Variants in SH3KBP1 observed in about 807,000 individuals in gnomAD.
SH3KBP1 encodes the protein SH3 domain containing kinase binding protein 1.
A neutral mutation model predicts 50.1 loss-of-function variants in SH3KBP1; 8 were observed. That is an observed-to-expected ratio of 0.16 (90% CI 0.09 to 0.29). The LOEUF is 0.29. Ranked by LOEUF, SH3KBP1 falls within the 10% of genes least tolerant of loss-of-function variation. The pLI, the probability that SH3KBP1 is intolerant of heterozygous loss-of-function variation, is 1.00. For missense variants in SH3KBP1, 377 were observed against 535.2 expected (o/e 0.70, Z 2.92); for synonymous variants, 227 against 218.6 (o/e 1.04, Z -0.34).
intron 8 of SH3KBP1, among the ~76,000 whole-genome samples, chrX:19,625,604 A>G (rs2067993624): frequency 8.9e-6 from 1 of 112,099 alleles, no homozygotes; most frequent in Non-Finnish European, 1.9e-5. Flanking sequence ...TGACCCTAAC[A>G]GATCGGAAAC....
chrX:19,822,956 C>T (rs780838301), intron 2 of SH3KBP1, among the ~76,000 whole-genome samples: 6 of 112,312 alleles, frequency 5.3e-5, no homozygotes, highest in African/African-American at 1.9e-4. Context: ...GTTTCTATTG[C>T]TAAACTTTTT....
chrX:19,762,696 T>A (rs773579793), intron 2 of SH3KBP1, among the ~76,000 whole-genome samples: 5 of 112,146 alleles, frequency 4.5e-5, no homozygotes, highest in Middle Eastern at 4.2e-3. Flanking sequence ...GCAATTCCCC[T>A]GTCTTGATAA....
Position 19,872,831 on chromosome X carries a change from TCTCACACA to T in SH3KBP1, c.4+14468_4+14475del, listed in dbSNP as rs1417817140. Among the ~76,000 whole-genome samples the T allele has an allele frequency of 1.9e-3, 195 of 101,787 alleles. 1 individual carries two copies. The highest frequency in any genetic ancestry group is 7.6e-3 in the African/African-American group (189 of 24,716). 88.4% of individuals were successfully genotyped at this position (101,787 alleles called of 115,157 possible). On this transcript the variant is annotated intron_variant, in intron 1 of 17. Coordinates refer to ENST00000397821, the MANE Select transcript of SH3KBP1 (RefSeq NM_031892.3). ...TCTCTCTTCTCTCTCTCTCTCTCTC[TCTCACACA>T]CACACACACACACACACACACACAC...
chrX:19,653,940 T>C (rs748333789), intron 6 of SH3KBP1, among the ~76,000 whole-genome samples: 11 of 110,714 alleles, frequency 9.9e-5, no homozygotes, highest in Admixed American at 9.7e-5. Flanking sequence ...TCAAGACTAA[T>C]GGGAAACTTT....
chrX:19,879,170 G>C (rs2069357505), intron 1 of SH3KBP1, among the ~76,000 whole-genome samples: 1 of 112,385 alleles, frequency 8.9e-6, no homozygotes, highest in South Asian at 3.6e-4. Context: ...GCTTGAGCCT[G>C]GGAGGTCGAG....
At chrX:19,583,927 C>CATTTAT (rs1453818378) in intron 12 of SH3KBP1, among the ~76,000 whole-genome samples, 1 of 93,762 alleles carries the variant, frequency 1.1e-5, no homozygotes, top group Non-Finnish European at 2.0e-5. Context: ...AAATATATAT[C>CATTTAT]ATTTATATTT....
chrX:19,848,070 T>A (rs973578064), intron 1 of SH3KBP1, among the ~76,000 whole-genome samples: 4 of 112,178 alleles, frequency 3.6e-5, no homozygotes, highest in African/African-American at 1.3e-4. Context: ...ATTAAAAAGA[T>A]CAACAGCCTC....
intron 6 of SH3KBP1, among the ~76,000 whole-genome samples, chrX:19,679,025 C>T (rs1025006186): frequency 2.7e-5 from 3 of 110,988 alleles, no homozygotes; most frequent in African/African-American, 6.6e-5. Flanking sequence ...ATATTGCTCT[C>T]CCTACCTTAA....
chrX:19,866,582 C>T (rs1366967680), intron 1 of SH3KBP1, among the ~76,000 whole-genome samples: 6 of 108,176 alleles, frequency 5.5e-5, no homozygotes, highest in African/African-American at 2.0e-4. Flanking sequence ...CCCAGCTACT[C>T]GGGAGGCTGA....
chrX:19,634,730 C>T (rs1398913399), intron 7 of SH3KBP1, among the ~76,000 whole-genome samples: 1 of 112,005 alleles, frequency 8.9e-6, no homozygotes, highest in Non-Finnish European at 1.9e-5. Context: ...TGACCTGAGA[C>T]AATCACACTA....
chrX:19,834,168 G>T (rs769119456), intron 2 of SH3KBP1, among the ~76,000 whole-genome samples: 3 of 111,964 alleles, frequency 2.7e-5, no homozygotes, highest in Non-Finnish European at 5.6e-5. Context: ...ATTCATTTTC[G>T]ACTCTGAAAG....
At chrX:19,763,623 A>C (rs1196792450) in intron 2 of SH3KBP1, among the ~76,000 whole-genome samples, 1 of 112,487 alleles carries the variant, frequency 8.9e-6, no homozygotes, top group Non-Finnish European at 1.9e-5. Flanking sequence ...CTGTCCATAC[A>C]GAAGTCTCTA....
rs1291883188 is a variant in SH3KBP1, at chrX:19,707,201, C to A, written c.287-217G>T. ...TTTAAAAGCTGCTGGGTCAGAAAGG[C>A]ATGGATATGAGAAACCGATCCATTG... On this transcript the variant is annotated intron_variant, in intron 3 of 17. Transcript: ENST00000397821. The A allele has an allele frequency of 5.9e-5, 30 of 508,557 alleles. No individual in the cohort carries two copies. The East Asian group carries it at 1.1e-3, about 18-fold the overall frequency. The allele number at this position is 508,557 out of a possible 1,213,427, so 41.9% of individuals were successfully genotyped here.
At chrX:19,557,499 C>T (rs768348932) in intron 13 of SH3KBP1, among the ~76,000 whole-genome samples, 12 of 112,264 alleles carry the variant, frequency 1.1e-4, no homozygotes, top group Non-Finnish European at 1.7e-4. Context: ...CATCCTATAT[C>T]AGCACTGTCC....
rs1488429557 is a variant in SH3KBP1, at chrX:19,607,994, C to T, written c.949G>A (p.Val317Met). 4.1e-6 allele frequency: 5 copies of T among 1,211,441 alleles called. No individual in the cohort carries two copies. The South Asian group carries it at 5.3e-5, about 13-fold the overall frequency. ...WEGELNGRRG[V>M]FPDNFVKLLP... ...AACTTCACGAAGTTATCGGGGAACA[C>T]GCCTCGTCTGCCGTTCAGCTCTCCT... Residue 317 changes from valine to methionine, a missense_variant, in exon 9 of 18, where the codon GTG becomes ATG. Val to Met is a conservative substitution (Grantham distance 21). This residue lies in a region of SH3KBP1 where 257 missense variants were observed against 374.2 expected (regional missense o/e 0.69). Coordinates refer to ENST00000397821, the MANE Select transcript of SH3KBP1 (RefSeq NM_031892.3).
chrX:19,621,073 C>CTT (rs1186690221), intron 8 of SH3KBP1, among the ~76,000 whole-genome samples: 18 of 32,667 alleles, frequency 5.5e-4, no homozygotes, highest in African/African-American at 1.5e-3. Context: ...TCTTTTCTTT[C>CTT]TTTTTTTTTT....
At chrX:19,859,530 T>G (rs1234218533) in intron 1 of SH3KBP1, among the ~76,000 whole-genome samples, 1 of 111,782 alleles carries the variant, frequency 8.9e-6, no homozygotes, top group Non-Finnish European at 1.9e-5. Flanking sequence ...TGGAAGATAG[T>G]CCCCCAAATT....
chrX:19,763,348 A>G (rs2065490289), intron 2 of SH3KBP1, among the ~76,000 whole-genome samples: 1 of 112,758 alleles, frequency 8.9e-6, no homozygotes, highest in Admixed American at 9.4e-5. Context: ...TGCCAATCTG[A>G]TAACAGGAGA....
intron 8 of SH3KBP1, among the ~76,000 whole-genome samples, chrX:19,621,073 CTTTT>C (rs1186690221): frequency 6.1e-5 from 2 of 32,676 alleles, no homozygotes; most frequent in African/African-American, 2.2e-4. Context: ...TCTTTTCTTT[CTTTT>C]TTTTTTTTTT....
Sources: allele counts gnomAD v4.1 joint callset (sites outside exome capture counted in the v4.1 genomes callset), GRCh38; gene constraint gnomAD v4.1.1; regional missense constraint gnomAD v4.1.1; transcripts MANE v1.5; gene names NCBI Gene and HGNC (gene_info 2026-07-23, HGNC 2026-07-21).